Variants in MORN5 observed in about 807,000 individuals in gnomAD.
MORN5 encodes MORN repeat containing 5.
A neutral mutation model predicts 22.1 loss-of-function variants in MORN5; 21 were observed. The observed-to-expected ratio is 0.95, with a 90% confidence interval of 0.67 to 1.37. MORN5 has a LOEUF of 1.37. Ranked by LOEUF, MORN5 falls within the 40% of genes most tolerant of loss-of-function variation. The pLI, the probability that MORN5 is intolerant of heterozygous loss-of-function variation, is 0.00. For missense variants in MORN5, 211 were observed against 215.1 expected (o/e 0.98, Z 0.12); for synonymous variants, 73 against 74.0 (o/e 0.99, Z 0.07).
At position 122,185,156 on chromosome 9, in the gene MORN5, C is replaced by T. The variant is rs190000044; in HGVS notation, c.439+10529C>T. ...CTGCAAGCTCTGCCTCCTGGGTTCA[C>T]GCCATTCTCCTGCCTCAGCCTCCCA... On this transcript the variant is annotated intron_variant, in intron 4 of 4. Transcript: ENST00000373764. 5.1e-3 allele frequency among the ~76,000 whole-genome samples: 775 copies of T among 152,082 alleles called. 3 individuals are homozygous for T. Among genetic ancestry groups the T allele is most frequent in the Non-Finnish European group, 8.7e-3 (591 of 67,974 alleles).
rs185016828 is a variant in MORN5, at chr9:122,179,238, G to A, written c.439+4611G>A. 2.6e-5 allele frequency among the ~76,000 whole-genome samples: 4 copies of A among 152,292 alleles called. No individual in the cohort carries two copies. The East Asian group carries it at 5.8e-4, about 22-fold the overall frequency. On this transcript the variant is annotated intron_variant, in intron 4 of 4. Transcript: ENST00000373764. Reference sequence around the variant, plus strand: ...TGAAAGGAGACAAAGGGCAAGAGACGAAGCCCGAGAGATGGGCGGGGTGAG... The same window carrying A: ...TGAAAGGAGACAAAGGGCAAGAGACAAAGCCCGAGAGATGGGCGGGGTGAG...
At chr9:122,171,788 T>C (rs1449154585) in intron 3 of MORN5, among the ~76,000 whole-genome samples, 1 of 152,028 alleles carries the variant, frequency 6.6e-6, no homozygotes, top group Non-Finnish European at 1.5e-5. Flanking sequence ...ATTCAACAAA[T>C]ATTTATTGAG....
chr9:122,178,489 A>C (rs1459414773), intron 4 of MORN5, among the ~76,000 whole-genome samples: 1 of 152,222 alleles, frequency 6.6e-6, no homozygotes, highest in Non-Finnish European at 1.5e-5. Context: ...CCCCCTCTCA[A>C]AACAAAACAA....
At chr9:122,187,844 G>T (rs1829670270) in intron 4 of MORN5, among the ~76,000 whole-genome samples, 1 of 152,232 alleles carries the variant, frequency 6.6e-6, no homozygotes, top group Non-Finnish European at 1.5e-5. Context: ...CACACACAGA[G>T]AAGAGCATCA....
intron 4 of MORN5, among the ~76,000 whole-genome samples, chr9:122,182,521 C>T (rs927328373): frequency 1.3e-5 from 2 of 152,236 alleles, no homozygotes; most frequent in East Asian, 1.9e-4. Flanking sequence ...GAGGCTGAGG[C>T]TGGCAGATCA....
At chr9:122,181,771 A>C (rs1829541321) in intron 4 of MORN5, among the ~76,000 whole-genome samples, 1 of 152,212 alleles carries the variant, frequency 6.6e-6, no homozygotes, top group Admixed American at 6.5e-5. Context: ...CAGTCTCCTC[A>C]TCTGTAAAAG....
intron 4 of MORN5, among the ~76,000 whole-genome samples, chr9:122,190,974 C>T (rs1312709904): frequency 6.6e-6 from 1 of 152,254 alleles, no homozygotes; most frequent in Admixed American, 6.5e-5. Context: ...CAGTGCACCC[C>T]CCATCCCAGC....
chr9:122,191,454 G>A (rs1207154764), intron 4 of MORN5, among the ~76,000 whole-genome samples: 2 of 152,188 alleles, frequency 1.3e-5, no homozygotes, highest in Non-Finnish European at 2.9e-5. Context: ...CTCATCTTAA[G>A]TGGAGACAGC....
At chr9:122,170,430 C>G (rs1829349798) in intron 3 of MORN5, among the ~76,000 whole-genome samples, 1 of 152,160 alleles carries the variant, frequency 6.6e-6, no homozygotes. Flanking sequence ...TACATGTCAG[C>G]TGTTCTTATT....
chr9:122,163,785 A>C (rs1829236451), intron 1 of MORN5, among the ~76,000 whole-genome samples: 2 of 152,234 alleles, frequency 1.3e-5, no homozygotes, highest in Admixed American at 1.3e-4. Context: ...GCATCAGGAA[A>C]TAAAACTTAT....
chr9:122,170,659 G>A (rs117478430), intron 3 of MORN5, among the ~76,000 whole-genome samples: 1 of 152,270 alleles, frequency 6.6e-6, no homozygotes, highest in East Asian at 1.9e-4. Context: ...ATGGTTCCCT[G>A]TGGCAGAGCT....
intron 3 of MORN5, among the ~76,000 whole-genome samples, chr9:122,171,382 C>T (rs909155392): frequency 6.6e-6 from 1 of 152,196 alleles, no homozygotes; most frequent in Non-Finnish European, 1.5e-5. Context: ...TATTTTCCTC[C>T]TATCCCCAGG....
chr9:122,184,373 C>T (rs185470137), intron 4 of MORN5, among the ~76,000 whole-genome samples: 3 of 152,174 alleles, frequency 2.0e-5, no homozygotes, highest in Non-Finnish European at 2.9e-5. Context: ...AAATTTAAGC[C>T]GCACAGTGAA....
intron 4 of MORN5, among the ~76,000 whole-genome samples, chr9:122,199,303 T>C (rs1564426647): frequency 6.6e-6 from 1 of 152,156 alleles, no homozygotes. Flanking sequence ...GCTTGCCCAT[T>C]GCGTGGTTGG....
At chr9:122,168,313 C>T (rs975303361) in intron 2 of MORN5, among the ~76,000 whole-genome samples, 1 of 152,166 alleles carries the variant, frequency 6.6e-6, no homozygotes, top group Non-Finnish European at 1.5e-5. Context: ...GATTCTTACC[C>T]CCTGGTATTT....
In MORN5 at chr9:122,174,654, G is replaced by A. The variant is rs1311625055; in HGVS notation, c.439+27G>A. 17 of 1,613,664 alleles carry A rather than the reference G, an allele frequency of 1.1e-5. No homozygotes were observed. The East Asian group carries it at 2.2e-4, about 21-fold the overall frequency. ...TAGGTTTCTTCCGACACTGCAGCAC[G>A]TTTTCTCTTCACCCACATATGAGTA... On this transcript the variant is annotated intron_variant, in intron 4 of 4. Transcript: ENST00000373764.
intron 2 of MORN5, among the ~76,000 whole-genome samples, chr9:122,167,563 C>A (rs1829305847): frequency 6.6e-6 from 1 of 151,894 alleles, no homozygotes; most frequent in African/African-American, 2.4e-5. Flanking sequence ...GAATCCTCTC[C>A]CTCTAGATCT....
intron 4 of MORN5, among the ~76,000 whole-genome samples, chr9:122,182,953 G>A (rs777409184): frequency 5.3e-5 from 8 of 152,154 alleles, no homozygotes; most frequent in Non-Finnish European, 8.8e-5. Context: ...TCTTGCCAGC[G>A]TCATGGTTCT....
intron 1 of MORN5, among the ~76,000 whole-genome samples, chr9:122,164,812 G>T (rs933697798): frequency 1.3e-5 from 2 of 152,174 alleles, no homozygotes; most frequent in Non-Finnish European, 2.9e-5. Flanking sequence ...AAGTGAAATA[G>T]TTTTCAATTT....
Sources: gnomAD v4.1 joint callset for allele counts (sites outside exome capture counted in the v4.1 genomes callset) on GRCh38, gnomAD v4.1.1 for gene constraint, MANE v1.5 for transcripts, NCBI Gene and HGNC (gene_info 2026-07-23, HGNC 2026-07-21) for gene names.